SPATA2L: variants seen among roughly 807,000 people sequenced by gnomAD.
SPATA2L encodes the protein spermatogenesis-associated protein 2-like protein.
In SPATA2L, 5 loss-of-function variants were observed where a neutral mutation model predicts 8.7. The observed-to-expected ratio is 0.57, with a 90% CI of 0.30 to 1.21. SPATA2L has a LOEUF of 1.21. Ranked by LOEUF, SPATA2L falls within the 50% of genes most tolerant of loss-of-function variation. The pLI is 0.07. For missense variants in SPATA2L, 671 were observed against 591.0 expected, an observed-to-expected ratio of 1.14 and a Z score of -1.40; for synonymous variants, 358 against 275.8, an observed-to-expected ratio of 1.30 and a Z score of -2.95.
rs1466126769 is a variant in SPATA2L, at chr16:89,698,285, C to T, written c.324G>A (p.Val108=). The change falls in exon 3 of 3, where the codon GTG becomes GTA. Residue 108 remains valine, a synonymous_variant. Transcript: ENST00000289805. ...TTIKTFSGGY[V]HVLKGVLSDD... ...CTGAGAGCACACCCTTCAGCACGTGCACGTAGCCCCCAGAGAAGGTCTGCA... is the reference window on the plus strand; with the variant it reads ...CTGAGAGCACACCCTTCAGCACGTGTACGTAGCCCCCAGAGAAGGTCTGCA... 8 of 1,575,392 alleles carry T rather than the reference C, an allele frequency of 5.1e-6. No homozygotes were observed. The highest frequency in any genetic ancestry group is 4.5e-5 in the East Asian group (2 of 44,398).
At chr16:89,701,274 C>A (rs2060774324) in intron 1 of SPATA2L, 41 bp from the exon 2 acceptor site, 1 of 1,354,766 alleles carries the variant, frequency 7.4e-7, no homozygotes, top group South Asian at 1.8e-5. Context: ...GACCTAAGGC[C>A]GCGCCCAGCC....
In SPATA2L at chr16:89,696,984, A is replaced by C; in HGVS notation, c.*350T>G. The C allele has an allele frequency of 6.9e-7, 1 of 1,439,920 alleles. No individual in the cohort carries two copies. Among genetic ancestry groups the C allele is most frequent in the East Asian group, 2.5e-5 (1 of 39,670 alleles). The allele number at this position is 1,439,920 out of a possible 1,614,324, so 89.2% of individuals were successfully genotyped here. ...CCCCGTACTCCGTACTGCAGGGAGC[A>C]GGCCAGGAGCCACGGGCCTTGGGGC... On this transcript the variant is annotated 3_prime_UTR_variant, in exon 3 of 3. Coordinates refer to ENST00000289805, the MANE Select transcript of SPATA2L (RefSeq NM_152339.4).
At position 89,696,861 on chromosome 16, in the gene SPATA2L, A is replaced by G. The variant is rs1457057109; in HGVS notation, c.*473T>C. 2 of 1,535,058 alleles carry G rather than the reference A, an allele frequency of 1.3e-6. No individual in the cohort carries two copies. Among genetic ancestry groups the G allele is most frequent in the Non-Finnish European group, 1.7e-6 (2 of 1,146,250 alleles). On this transcript the variant is annotated 3_prime_UTR_variant, in exon 3 of 3. Coordinates refer to ENST00000289805, the MANE Select transcript of SPATA2L (RefSeq NM_152339.4). ...CAGAGCCCCGCAGATTGGCTCCAGC[A>G]GAGCTTGGGGTGGGGGGAGCTCGGT...
rs2060734666 is a variant in SPATA2L, at chr16:89,697,012, A to G, written c.*322T>C. 7 of 1,421,168 alleles carry G rather than the reference A, an allele frequency of 4.9e-6. No individual in the cohort carries two copies. The highest frequency in any genetic ancestry group is 5.5e-6 in the Non-Finnish European group (6 of 1,086,526). The allele number at this position is 1,421,168 out of a possible 1,614,324, so 88.0% of individuals were successfully genotyped here. ...CCAGGAGCCACGGGCCTTGGGGCACAGGGTCCTTCTCAGGGACAGGTTCAG... is the reference window on the plus strand; with the variant it reads ...CCAGGAGCCACGGGCCTTGGGGCACGGGGTCCTTCTCAGGGACAGGTTCAG... On this transcript the variant is annotated 3_prime_UTR_variant, in exon 3 of 3. Transcript: ENST00000289805.
Position 89,697,205 on chromosome 16 carries a change from T to C in SPATA2L, c.*129A>G. On this transcript the variant is annotated 3_prime_UTR_variant, in exon 3 of 3. Coordinates refer to ENST00000289805, the MANE Select transcript of SPATA2L (RefSeq NM_152339.4). ...ACCTCCAGCAAGGGTTGGCCTGGAC[T>C]CTCCAACCCCCTGCTGTGCCCAGGA... 7.2e-7 allele frequency: 1 copy of C among 1,383,554 alleles called. No homozygotes were observed. The highest frequency in any genetic ancestry group is 2.6e-5 in the East Asian group (1 of 38,288). 85.7% of individuals were successfully genotyped at this position (1,383,554 alleles called of 1,614,324 possible).
intron 1 of SPATA2L, 180 bp downstream of exon 1, chr16:89,701,448 T>A: frequency 2.2e-6 from 1 of 445,406 alleles, no homozygotes; most frequent in East Asian, 3.6e-5. Flanking sequence ...CCCCTCCAGT[T>A]GAGCGCCCCC....
intron 1 of SPATA2L, 182 bp downstream of exon 1, chr16:89,701,446 G>C (rs2060775259): frequency 4.5e-6 from 2 of 447,604 alleles, no homozygotes; most frequent in African/African-American, 4.1e-5. Flanking sequence ...GGCCCCTCCA[G>C]TTGAGCGCCC....
Position 89,696,593 on chromosome 16 carries a change from G to A in SPATA2L, c.*741C>T. On this transcript the variant is annotated 3_prime_UTR_variant, in exon 3 of 3. Coordinates refer to ENST00000289805, the MANE Select transcript of SPATA2L (RefSeq NM_152339.4). ...CTGCACCCACAGGGAATGGAGGGGA[G>A]GGGCACCATTACCACTGGACCCACC... 1 of 531,142 alleles carries A rather than the reference G, an allele frequency of 1.9e-6. No homozygotes were observed. The highest frequency in any genetic ancestry group is 1.9e-5 in the African/African-American group (1 of 51,328). 32.9% of individuals were successfully genotyped at this position (531,142 alleles called of 1,614,324 possible). A position where few individuals can be genotyped will look rare whatever the true frequency, so the allele number is the denominator to read the frequency against.
chr16:89,701,009 G>A lies in SPATA2L; in HGVS notation c.224C>T (p.Ala75Val). The A allele has an allele frequency of 6.4e-7, 1 of 1,571,336 alleles. No individual in the cohort carries two copies. Among genetic ancestry groups the A allele is most frequent in the Non-Finnish European group, 8.6e-7 (1 of 1,160,670 alleles). ...GAGCTCCAGAAGCTCGAAGGCGCGAGCCAGGCCGCGTAGCGCGGGCGCCAG... is the reference window on the plus strand; with the variant it reads ...GAGCTCCAGAAGCTCGAAGGCGCGAACCAGGCCGCGTAGCGCGGGCGCCAG... ...ADLAPALRGL[A>V]RAFELLELAA... The change falls in exon 2 of 3, where the codon GCT becomes GTT. Residue 75 changes from alanine to valine, a missense_variant. Ala to Val is a moderately conservative substitution (Grantham distance 64). Transcript: ENST00000289805.
In SPATA2L at chr16:89,697,663, G is replaced by T; in HGVS notation, c.946C>A (p.Leu316Met). ...GTGGCCAGGTCCCCAGGCCTACTCA[G>T]CTCACGGCGCAGAGAGAGGAAGGAG... is the stretch of plus-strand genomic sequence containing the variant. Reference protein sequence around the residue: ...AFSFLSLRRELSRPGDLATPE... With the variant: ...AFSFLSLRREMSRPGDLATPE... The change falls in exon 3 of 3, where the codon CTG (leucine) becomes ATG (methionine). Residue 316 changes from leucine (L) to methionine (M), a missense_variant. Leu to Met is a conservative substitution (Grantham distance 15, BLOSUM62 2). Coordinates refer to ENST00000289805, the MANE Select transcript of SPATA2L (RefSeq NM_152339.4). 6.2e-7 allele frequency: 1 copy of T among 1,610,418 alleles called. No individual in the cohort carries two copies.
At chr16:89,699,201 C>G (rs186674280) in intron 2 of SPATA2L, among the ~76,000 whole-genome samples, 3 of 152,362 alleles carry the variant, frequency 2.0e-5, no homozygotes, top group East Asian at 1.9e-4. Context: ...CCACCGCTCC[C>G]TTCACCCCTG....
In SPATA2L at chr16:89,696,913, CGTGTG is replaced by C; in HGVS notation, c.*416_*420del. ...TCACCAACAGGCCCTTGAGGACACT[CGTGTG>C]GAGAATCCCTGGGACACGTGGAGGA... On this transcript the variant is annotated 3_prime_UTR_variant, in exon 3 of 3. Transcript: ENST00000289805. 6.5e-7 allele frequency: 1 copy of C among 1,528,382 alleles called. No individual in the cohort carries two copies. The highest frequency in any genetic ancestry group is 8.8e-7 in the Non-Finnish European group (1 of 1,141,700). The allele number at this position is 1,528,382 out of a possible 1,614,324, so 94.7% of individuals were successfully genotyped here. A position where few individuals can be genotyped will look rare whatever the true frequency, so the allele number is the denominator to read the frequency against.
At chr16:89,699,990 C>A (rs1171656344) in intron 2 of SPATA2L, among the ~76,000 whole-genome samples, 1 of 152,214 alleles carries the variant, frequency 6.6e-6, no homozygotes, top group African/African-American at 2.4e-5. Context: ...ACGTGTGGAG[C>A]GCCCAGTGCC....
Position 89,697,120 on chromosome 16 carries a change from G to A in SPATA2L, c.*214C>T. 2.2e-6 allele frequency: 3 copies of A among 1,378,266 alleles called. No homozygotes were observed. The highest frequency in any genetic ancestry group is 1.9e-6 in the Non-Finnish European group (2 of 1,068,184). 85.4% of individuals were successfully genotyped at this position (1,378,266 alleles called of 1,614,324 possible). A position where few individuals can be genotyped will look rare whatever the true frequency, so the allele number is the denominator to read the frequency against. On this transcript the variant is annotated 3_prime_UTR_variant, in exon 3 of 3. Transcript: ENST00000289805. Reference sequence around the variant, plus strand: ...TTCCGAGGGTGGGGAAATGTGGAAAGGCTCCTGCTGGCCGGCTTAGGCCTG... The same window carrying A: ...TTCCGAGGGTGGGGAAATGTGGAAAAGCTCCTGCTGGCCGGCTTAGGCCTG...
Position 89,700,960 on chromosome 16 carries a change from C to A in SPATA2L, c.273G>T (p.Leu91=). The part of the protein sequence containing the change: ...LELAAVHLYL[L]PWRKEFTTIK... Reference sequence around the variant, plus strand: ...TGGTGGTGAACTCCTTCCTCCAGGGCAGCAGGTACAGGTGCACCGCGGCGA... The same window carrying A: ...TGGTGGTGAACTCCTTCCTCCAGGGAAGCAGGTACAGGTGCACCGCGGCGA... The change falls in exon 2 of 3, where the codon CTG becomes CTT. Residue 91 remains leucine (L), a synonymous_variant. Transcript: ENST00000289805. 6.5e-7 allele frequency: 1 copy of A among 1,526,758 alleles called. No homozygotes were observed. The highest frequency in any genetic ancestry group is 2.5e-5 in the East Asian group (1 of 40,444). 94.6% of individuals were successfully genotyped at this position (1,526,758 alleles called of 1,614,324 possible). A position where few individuals can be genotyped will look rare whatever the true frequency, so the allele number is the denominator to read the frequency against.
Position 89,696,534 on chromosome 16 carries a change from G to T in SPATA2L, c.*800C>A, listed in dbSNP as rs74490382. The T allele has an allele frequency of 0.011, 4,707 of 441,784 alleles. 451 individuals are homozygous for T. In the East Asian group the frequency reaches 0.15, roughly 14 times the overall value. The allele number at this position is 441,784 out of a possible 1,614,324, so 27.4% of individuals were successfully genotyped here. ...GCCCTCTCCCTCGCCAGACCCGAGG[G>T]TAGGGCAGAGGCACCTCCTCGCCAG... On this transcript the variant is annotated 3_prime_UTR_variant, in exon 3 of 3. Transcript: ENST00000289805.
chr16:89,699,619 C>G (rs2060762396), intron 2 of SPATA2L, among the ~76,000 whole-genome samples: 1 of 151,200 alleles, frequency 6.6e-6, no homozygotes, highest in African/African-American at 2.4e-5. Flanking sequence ...GGCTCGATCT[C>G]TGCTCACTAC....
Position 89,697,600 on chromosome 16 carries a change from G to A in SPATA2L, c.1009C>T (p.Arg337Trp), listed in dbSNP as rs756490472. ...SSAAASPRRIRAEGVPASAYR... is the reference protein window; with the variant it reads ...SSAAASPRRIWAEGVPASAYR... Reference sequence around the variant, plus strand: ...GCTGAGGCTGGTACCCCCTCTGCCCGAATACGCCTCGGGCTGGCCGCTGCA... The same window carrying A: ...GCTGAGGCTGGTACCCCCTCTGCCCAAATACGCCTCGGGCTGGCCGCTGCA... The change falls in exon 3 of 3, where the codon CGG becomes TGG. Residue 337 changes from arginine (R) to tryptophan (W), a missense_variant. Coordinates refer to ENST00000289805, the MANE Select transcript of SPATA2L (RefSeq NM_152339.4). 86 of 1,602,442 alleles carry A rather than the reference G, an allele frequency of 5.4e-5. No individual in the cohort carries two copies. Among genetic ancestry groups the A allele is most frequent in the Admixed American group, 2.3e-4 (14 of 59,802 alleles).
rs1260503313 is a variant in SPATA2L, at chr16:89,697,877, C to T, written c.732G>A (p.Gly244=). The T allele has an allele frequency of 5.6e-6, 9 of 1,611,816 alleles. No homozygotes were observed. The African/African-American group carries it at 9.3e-5, about 17-fold the overall frequency. Reference sequence around the variant, plus strand: ...GCGAGTCAGGGCCTGGTGACGGCTCCCCATACAGGCTGGCGTCCTCCGACC... The same window carrying T: ...GCGAGTCAGGGCCTGGTGACGGCTCTCCATACAGGCTGGCGTCCTCCGACC... ...DEGSEDASLY[G]EPSPGPDSPP... is the part of the protein sequence containing the mutation. The change falls in exon 3 of 3, where the codon GGG becomes GGA. Residue 244 remains glycine, a synonymous_variant. Coordinates refer to ENST00000289805, the MANE Select transcript of SPATA2L (RefSeq NM_152339.4).
Sources: gnomAD v4.1 joint callset for allele counts (sites outside exome capture counted in the v4.1 genomes callset) on GRCh38, gnomAD v4.1.1 for gene constraint, MANE v1.5 for transcripts, NCBI Gene and HGNC (gene_info 2026-07-23, HGNC 2026-07-21) for gene names.